The following NARS2 variants were observed in gnomAD, a reference collection of about 807,000 sequenced individuals.
The protein encoded by NARS2 is asparaginyl-tRNA synthetase.
NARS2 carries 60 observed loss-of-function variants against 62.9 expected under a neutral mutation model. That is an observed-to-expected ratio of 0.95 (90% confidence interval 0.77 to 1.18). NARS2 has a LOEUF of 1.18. NARS2 is among the 50% of genes most tolerant of loss of function. NARS2 has a pLI of 0.00. For missense variants in NARS2, 619 were observed against 576.4 expected, an observed-to-expected ratio of 1.07 and a Z score of -0.76; for synonymous variants, 196 against 200.0, an observed-to-expected ratio of 0.98 and a Z score of 0.17.
At chr11:78,458,636 T>C (rs554560951) in intron 11 of NARS2, among the ~76,000 whole-genome samples, 5 of 152,212 alleles carry the variant, frequency 3.3e-5, no homozygotes, top group East Asian at 1.9e-4. Context: ...TCGTCGACAG[T>C]GTGTCTTAAA....
At chr11:78,546,537 T>C (rs1855883244) in intron 5 of NARS2, 1 of 152,240 alleles carries the variant, frequency 6.6e-6, no homozygotes, top group East Asian at 1.9e-4. Context: ...TACAAGGATA[T>C]ACATTCAACA....
intron 11 of NARS2, among the ~76,000 whole-genome samples, chr11:78,464,391 T>C (rs1178386307): frequency 1.3e-5 from 2 of 152,198 alleles, no homozygotes; most frequent in Non-Finnish European, 2.9e-5. Flanking sequence ...GGCAGCCTGC[T>C]TTTATTCTCT....
At chr11:78,496,347 C>T (rs116979078) in intron 6 of NARS2, among the ~76,000 whole-genome samples, 4,801 of 152,128 alleles carry the variant, frequency 0.032, 115 homozygotes, top group Middle Eastern at 0.065. Context: ...ATGGGCCAAG[C>T]ACTAAATGGA....
At chr11:78,495,783 C>G (rs1249299101) in intron 6 of NARS2, among the ~76,000 whole-genome samples, 2 of 152,158 alleles carry the variant, frequency 1.3e-5, no homozygotes, top group Non-Finnish European at 2.9e-5. Flanking sequence ...AATTACAAGG[C>G]CCTGAGTTTC....
chr11:78,563,875 C>G lies in NARS2; in HGVS notation c.513+2257G>C, dbSNP rs867094789. On this transcript the variant is annotated intron_variant, in intron 4 of 13. Coordinates refer to ENST00000281038, the MANE Select transcript of NARS2 (RefSeq NM_024678.6). Reference sequence around the variant, plus strand: ...AAATATATATATATATATATGTATACACACACACAGTATTATTATTATTAT... The same window carrying G: ...AAATATATATATATATATATGTATAGACACACACAGTATTATTATTATTAT... Among the ~76,000 whole-genome samples, 1,015 of 108,130 alleles carry G rather than the reference C, an allele frequency of 9.4e-3. 49 individuals are homozygous for G. The highest frequency in any genetic ancestry group is 0.043 in the African/African-American group (965 of 22,380). The allele number at this position is 108,130 out of a possible 152,430, so 70.9% of individuals were successfully genotyped here.
chr11:78,563,570 C>G (rs537559502), intron 4 of NARS2, among the ~76,000 whole-genome samples: 2 of 151,362 alleles, frequency 1.3e-5, no homozygotes, highest in Non-Finnish European at 2.9e-5. Context: ...TGGTGGCTCA[C>G]GCCCGCAATC....
intron 6 of NARS2, among the ~76,000 whole-genome samples, chr11:78,495,757 A>G (rs967048357): frequency 6.6e-6 from 1 of 152,202 alleles, no homozygotes; most frequent in Admixed American, 6.5e-5. Flanking sequence ...GGTCTGGCCC[A>G]AACAATAAAT....
chr11:78,441,232 G>A, intron 12 of NARS2, 115 bp from the exon 13 acceptor site: 1 of 883,792 alleles, frequency 1.1e-6, no homozygotes, highest in Non-Finnish European at 1.7e-6. Flanking sequence ...AGACGACAAA[G>A]CCTCTGCTCT....
chr11:78,559,654 C>T (rs751842127), intron 4 of NARS2, 35 bp from the exon 5 acceptor site: 2 of 1,388,258 alleles, frequency 1.4e-6, no homozygotes, highest in Admixed American at 3.4e-5. Context: ...AGGATATTTG[C>T]ACATTCAACA....
chr11:78,465,853 A>G (rs770761526), intron 11 of NARS2, 23 bp downstream of exon 11: 2 of 1,613,578 alleles, frequency 1.2e-6, no homozygotes, highest in Admixed American at 1.7e-5. Flanking sequence ...ACTAACCCCA[A>G]TTTATTTAGT....
chr11:78,536,130 T>C (rs1006693358), intron 5 of NARS2, among the ~76,000 whole-genome samples: 3 of 152,186 alleles, frequency 2.0e-5, no homozygotes, highest in African/African-American at 7.2e-5. Flanking sequence ...AAAATTCCTA[T>C]TTCCTAGTGA....
At chr11:78,564,216 G>A (rs1260318674) in intron 4 of NARS2, among the ~76,000 whole-genome samples, 1 of 151,650 alleles carries the variant, frequency 6.6e-6, no homozygotes, top group African/African-American at 2.4e-5. Context: ...ATATTTTTAA[G>A]ACAGGATCTC....
At chr11:78,574,200 AG>A (rs1857032016) in intron 1 of NARS2, 147 bp downstream of exon 1, 3 of 969,238 alleles carry the variant, frequency 3.1e-6, no homozygotes, top group Non-Finnish European at 3.1e-6. Context: ...AATGGAAATC[AG>A]AAAAGTGCAA....
chr11:78,486,312 C>A (rs1859572538), intron 7 of NARS2, among the ~76,000 whole-genome samples: 1 of 151,918 alleles, frequency 6.6e-6, no homozygotes, highest in African/African-American at 2.4e-5. Context: ...AATGGGGGGC[C>A]AGACAGTGTG....
At chr11:78,486,482 CTA>C (rs1247899212) in intron 7 of NARS2, among the ~76,000 whole-genome samples, 1 of 152,206 alleles carries the variant, frequency 6.6e-6, no homozygotes, top group African/African-American at 2.4e-5. Context: ...AATTTCCAGA[CTA>C]TGAGTAGCAC....
rs7952030 is a variant in NARS2 at position 78,559,258 on chromosome 11, A to G, written c.594+281T>C. On this transcript the variant is annotated intron_variant, in intron 5 of 13. Transcript: ENST00000281038. Reference sequence around the variant, plus strand: ...GCGGAGGTTGCAGTGAGTCGAGATCACACCACTGCACTCCAGCCTGGCCAC... The same window carrying G: ...GCGGAGGTTGCAGTGAGTCGAGATCGCACCACTGCACTCCAGCCTGGCCAC... Among the ~76,000 whole-genome samples the G allele has an allele frequency of 0.65, 92,881 of 141,876 alleles. 33,331 individuals are homozygous for G. The highest frequency in any genetic ancestry group is 0.81 in the Non-Finnish European group (54,418 of 66,838). 93.1% of individuals were successfully genotyped at this position (141,876 alleles called of 152,430 possible).
At chr11:78,563,847 A>AAC in intron 4 of NARS2, among the ~76,000 whole-genome samples, 1 of 66,028 alleles carries the variant, frequency 1.5e-5, no homozygotes, top group African/African-American at 6.0e-5. Context: ...AAAAAAAAAA[A>AAC]AAAAATATAT....
At chr11:78,521,160 C>T (rs200151443) in intron 6 of NARS2, among the ~76,000 whole-genome samples, 1 of 145,954 alleles carries the variant, frequency 6.9e-6, no homozygotes, top group Admixed American at 6.7e-5. Context: ...CTTATTCTCT[C>T]TCTTTCTTTT....
intron 9 of NARS2, among the ~76,000 whole-genome samples, chr11:78,474,456 T>G (rs551503213): frequency 6.6e-6 from 1 of 152,354 alleles, no homozygotes; most frequent in African/African-American, 2.4e-5. Flanking sequence ...TAAAAAATAA[T>G]AATTTACTCA....
Sources: gnomAD v4.1 joint callset for allele counts (sites outside exome capture counted in the v4.1 genomes callset) on GRCh38, gnomAD v4.1.1 for gene constraint, MANE v1.5 for transcripts, NCBI Gene and HGNC (gene_info 2026-07-23, HGNC 2026-07-21) for gene names.